Variants in ANKFN1 observed in about 807,000 individuals in gnomAD.
The protein encoded by ANKFN1 is ankyrin repeat and fibronectin type-III domain-containing protein 1.
A neutral mutation model predicts 108.7 loss-of-function variants in ANKFN1; 74 were observed. The ratio of observed to expected loss-of-function variants is 0.68; its 90% confidence interval spans 0.56 to 0.83. ANKFN1 has a LOEUF of 0.83. Ranked by LOEUF, ANKFN1 falls within the 40% of genes least tolerant of loss-of-function variation. ANKFN1 has a pLI of 0.00. For synonymous variants in ANKFN1, 547 were observed against 516.2 expected, an observed-to-expected ratio of 1.06 and a Z score of -0.81; for missense variants, 1,505 against 1,382.3, an observed-to-expected ratio of 1.09 and a Z score of -1.41.
intron 1 of ANKFN1, among the ~76,000 whole-genome samples, chr17:56,168,266 A>G (rs940867747): frequency 6.6e-6 from 1 of 151,988 alleles, no homozygotes; most frequent in African/African-American, 2.4e-5. Flanking sequence ...CAAAAAAAAA[A>G]AAAAAAAGGC....
chr17:56,364,485 A>G (rs955126680), intron 6 of ANKFN1, among the ~76,000 whole-genome samples: 10 of 152,212 alleles, frequency 6.6e-5, no homozygotes, highest in African/African-American at 2.4e-4. Flanking sequence ...GGCTCACACT[A>G]TATGTCTATG....
At chr17:56,056,971 C>T (rs1598084500) in intron 4 of ANKFN1, among the ~76,000 whole-genome samples, 1 of 152,242 alleles carries the variant, frequency 6.6e-6, no homozygotes, top group African/African-American at 2.4e-5. Flanking sequence ...ATCTCAAACC[C>T]TGCTACTGCT....
chr17:56,306,320 A>T (rs1567900418), intron 3 of ANKFN1, among the ~76,000 whole-genome samples: 1 of 152,056 alleles, frequency 6.6e-6, no homozygotes, highest in African/African-American at 2.4e-5. Flanking sequence ...TAAGATCTTG[A>T]TTTTTTTCCA....
chr17:56,159,256 A>G (rs1909419211), intron 1 of ANKFN1, among the ~76,000 whole-genome samples: 1 of 152,178 alleles, frequency 6.6e-6, no homozygotes, highest in African/African-American at 2.4e-5. Context: ...TTTTGTGTTT[A>G]CTTGGGATTG....
chr17:56,121,315 G>A (rs77355672), intron 4 of ANKFN1, among the ~76,000 whole-genome samples: 1,613 of 151,946 alleles, frequency 0.011, 24 homozygotes, highest in African/African-American at 0.036. Context: ...TCAGTTGAAC[G>A]TCTTTCAGAG....
At chr17:56,372,582 T>A (rs1339972699) in intron 6 of ANKFN1, 64 bp from the exon 7 acceptor site, 56 of 1,361,550 alleles carry the variant, frequency 4.1e-5, no homozygotes, top group Non-Finnish European at 5.3e-5. Context: ...CTGGGATATA[T>A]CCTTCCAATG....
At chr17:56,321,974 C>G (rs1488444195) in intron 3 of ANKFN1, among the ~76,000 whole-genome samples, 1 of 152,116 alleles carries the variant, frequency 6.6e-6, no homozygotes, top group Non-Finnish European at 1.5e-5. Flanking sequence ...GTACCCATGC[C>G]CCCTGGAAAT....
At chr17:56,248,733 A>G (rs2043170872) in intron 3 of ANKFN1, among the ~76,000 whole-genome samples, 1 of 152,170 alleles carries the variant, frequency 6.6e-6, no homozygotes, top group African/African-American at 2.4e-5. Context: ...TCTGAGAATT[A>G]GATTTTATTA....
At chr17:56,234,126 A>G (rs1916938037) in intron 3 of ANKFN1, among the ~76,000 whole-genome samples, 1 of 152,152 alleles carries the variant, frequency 6.6e-6, no homozygotes. Flanking sequence ...AGCATTTGCC[A>G]ATTTCTGTGG....
intron 3 of ANKFN1, among the ~76,000 whole-genome samples, chr17:56,283,711 G>A (rs535663869): frequency 3.0e-4 from 46 of 151,816 alleles, no homozygotes; most frequent in African/African-American, 1.1e-3. Context: ...GCATAAGAAT[G>A]ATTCAATGGA....
intron 3 of ANKFN1, among the ~76,000 whole-genome samples, chr17:56,302,844 A>T (rs1169374205): frequency 2.0e-5 from 3 of 152,222 alleles, no homozygotes; most frequent in African/African-American, 7.2e-5. Context: ...TGTGTCAAGT[A>T]ATACATACCT....
At chr17:56,397,472 A>G (rs983822021) in intron 8 of ANKFN1, among the ~76,000 whole-genome samples, 1 of 152,200 alleles carries the variant, frequency 6.6e-6, no homozygotes, top group Non-Finnish European at 1.5e-5. Context: ...AATTCTGACA[A>G]TGTGCATTTG....
At chr17:56,437,268 T>C (rs1220695307) in intron 8 of ANKFN1, among the ~76,000 whole-genome samples, 2 of 152,230 alleles carry the variant, frequency 1.3e-5, no homozygotes, top group African/African-American at 4.8e-5. Flanking sequence ...TCAGTAAAAC[T>C]TGAACAATTT....
At chr17:56,348,415 C>T (rs140634102) in intron 4 of ANKFN1, among the ~76,000 whole-genome samples, 131 of 151,940 alleles carry the variant, frequency 8.6e-4, no homozygotes, top group African/African-American at 3.0e-3. Flanking sequence ...AAGAAAGTTG[C>T]AGACAAAACT....
chr17:56,107,990 T>A (rs544251380), intron 4 of ANKFN1, among the ~76,000 whole-genome samples: 1 of 152,258 alleles, frequency 6.6e-6, no homozygotes, highest in African/African-American at 2.4e-5. Flanking sequence ...GCCTCCCAAG[T>A]GGCTGGGACT....
At chr17:56,297,144 T>C (rs1218608405) in intron 3 of ANKFN1, among the ~76,000 whole-genome samples, 1 of 152,152 alleles carries the variant, frequency 6.6e-6, no homozygotes, top group Non-Finnish European at 1.5e-5. Flanking sequence ...GCACAGGCCA[T>C]GGGGTAAGGG....
chr17:56,175,482 T>C (rs908509068), intron 1 of ANKFN1, among the ~76,000 whole-genome samples: 1 of 152,236 alleles, frequency 6.6e-6, no homozygotes, highest in Non-Finnish European at 1.5e-5. Flanking sequence ...AGGTGGTGAG[T>C]TGAGTTGTTT....
At chr17:56,488,200 CAATT>C (rs2050914742) in intron 18 of ANKFN1, among the ~76,000 whole-genome samples, 1 of 152,082 alleles carries the variant, frequency 6.6e-6, no homozygotes, top group African/African-American at 2.4e-5. Flanking sequence ...GACAATTAAA[CAATT>C]AAGAGACTAC....
At chr17:56,078,946 G>A (rs1001362776) in intron 4 of ANKFN1, among the ~76,000 whole-genome samples, 1 of 152,122 alleles carries the variant, frequency 6.6e-6, no homozygotes, top group Admixed American at 6.5e-5. Flanking sequence ...AGAGACAGGA[G>A]GATTTTCAAA....
Sources: allele counts gnomAD v4.1 joint callset (sites outside exome capture counted in the v4.1 genomes callset), GRCh38; gene constraint gnomAD v4.1.1; transcripts MANE v1.5; gene names NCBI Gene and HGNC (gene_info 2026-07-23, HGNC 2026-07-21).